The following RAP1A variants were observed in gnomAD, a reference collection of about 807,000 sequenced individuals.
RAP1A encodes the protein RAP1A, member of RAS oncogene family, also known as ras-related protein Rap-1A.
RAP1A carries 6 observed loss-of-function variants against 26.4 expected under a neutral mutation model. The ratio of observed to expected loss-of-function variants is 0.23; its 90% CI spans 0.12 to 0.45. The LOEUF is 0.45. Among genes scored for constraint, RAP1A ranks in the 20% least tolerant of loss-of-function variants. RAP1A has a pLI of 0.99. For missense variants in RAP1A, 121 were observed against 217.2 expected, an observed-to-expected ratio of 0.56 and a Z score of 2.78; for synonymous variants, 73 against 79.4, an observed-to-expected ratio of 0.92 and a Z score of 0.43.
At chr1:111,594,743 G>A (rs1254080888) in intron 1 of RAP1A, among the ~76,000 whole-genome samples, 10 of 152,060 alleles carry the variant, frequency 6.6e-5, no homozygotes, top group Non-Finnish European at 1.5e-5. Context: ...GCCCACTGAT[G>A]AATAAATGAA....
At chr1:111,602,808 G>A (rs1445918709) in intron 1 of RAP1A, among the ~76,000 whole-genome samples, 2 of 151,714 alleles carry the variant, frequency 1.3e-5, no homozygotes, top group Admixed American at 1.3e-4. Context: ...ATCTACCCCA[G>A]TATCTACACG....
intron 1 of RAP1A, among the ~76,000 whole-genome samples, chr1:111,660,370 A>C (rs1660594063): frequency 6.6e-6 from 1 of 152,130 alleles, no homozygotes; most frequent in Non-Finnish European, 1.5e-5. Context: ...TCTGAAATAT[A>C]CCTAAGTGTA....
At chr1:111,639,566 C>CTTT (rs10646278) in intron 1 of RAP1A, among the ~76,000 whole-genome samples, 4 of 148,394 alleles carry the variant, frequency 2.7e-5, no homozygotes, top group African/African-American at 7.4e-5. Flanking sequence ...ACATTATGAA[C>CTTT]TTTTTTTTTT....
In RAP1A at chr1:111,712,640, G is replaced by A. The variant is rs1662419875; in HGVS notation, c.*239G>A. On this transcript the variant is annotated 3_prime_UTR_variant, in exon 8 of 8. Transcript: ENST00000369709. ...ATAGTATTTCTCCTTTGCAATAGCAGTTATAACAGATGTGAAAATATACTT... is the reference window on the plus strand; with the variant it reads ...ATAGTATTTCTCCTTTGCAATAGCAATTATAACAGATGTGAAAATATACTT... The A allele has an allele frequency of 6.6e-6, 1 of 152,490 alleles. No individual in the cohort carries two copies. The highest frequency in any genetic ancestry group is 1.5e-5 in the Non-Finnish European group (1 of 67,932). 9.4% of individuals were successfully genotyped at this position (152,490 alleles called of 1,614,324 possible).
chr1:111,590,702 T>C (rs1384119331), intron 1 of RAP1A, among the ~76,000 whole-genome samples: 2 of 152,096 alleles, frequency 1.3e-5, no homozygotes, highest in Non-Finnish European at 2.9e-5. Context: ...ATTACAGGTG[T>C]GAGCCACTGC....
At chr1:111,655,729 G>A (rs1029931588) in intron 1 of RAP1A, among the ~76,000 whole-genome samples, 4 of 140,688 alleles carry the variant, frequency 2.8e-5, no homozygotes, top group East Asian at 2.1e-4. Context: ...GTGCAGTGGC[G>A]CAATCTCACT....
At chr1:111,667,003 C>T (rs757506462) in intron 1 of RAP1A, among the ~76,000 whole-genome samples, 2 of 152,154 alleles carry the variant, frequency 1.3e-5, no homozygotes, top group Non-Finnish European at 2.9e-5. Context: ...GGAGTTTAAT[C>T]TTTACCCTAT....
At chr1:111,551,268 C>A (rs376669320) in intron 1 of RAP1A, among the ~76,000 whole-genome samples, 16 of 152,132 alleles carry the variant, frequency 1.1e-4, no homozygotes, top group African/African-American at 3.9e-4. Context: ...CTTACGTGTG[C>A]CATTTTGCTA....
intron 1 of RAP1A, among the ~76,000 whole-genome samples, chr1:111,651,045 G>A (rs573104189): frequency 5.3e-5 from 8 of 151,870 alleles, no homozygotes; most frequent in South Asian, 2.1e-4. Context: ...CTCGTGATCC[G>A]CCCGCCTCGG....
In RAP1A at chr1:111,713,393, CTG is replaced by C. The variant is rs1210417716; in HGVS notation, c.*994_*995del. On this transcript the variant is annotated 3_prime_UTR_variant, in exon 8 of 8. Transcript: ENST00000369709. ...AGATTGTATCTTATTGAATATCCCA[CTG>C]TATATTATTTTTATATGTAAAAAGA... The C allele has an allele frequency of 6.6e-6, 1 of 152,112 alleles. No individual in the cohort carries two copies. The highest frequency in any genetic ancestry group is 2.4e-5 in the African/African-American group (1 of 41,432). The allele number at this position is 152,112 out of a possible 1,614,324, so 9.4% of individuals were successfully genotyped here. A position where few individuals can be genotyped will look rare whatever the true frequency, so the allele number is the denominator to read the frequency against.
At chr1:111,630,164 A>G (rs1221222753) in intron 1 of RAP1A, among the ~76,000 whole-genome samples, 1 of 152,236 alleles carries the variant, frequency 6.6e-6, no homozygotes, top group African/African-American at 2.4e-5. Context: ...AATGTCTGAA[A>G]TGTGAATAGA....
intron 1 of RAP1A, among the ~76,000 whole-genome samples, chr1:111,628,653 C>T (rs1487712774): frequency 6.6e-6 from 1 of 152,062 alleles, no homozygotes; most frequent in Non-Finnish European, 1.5e-5. Flanking sequence ...TTAATAGTAA[C>T]ACAGGTAAGG....
At chr1:111,591,664 T>C (rs924953592) in intron 1 of RAP1A, among the ~76,000 whole-genome samples, 1 of 152,222 alleles carries the variant, frequency 6.6e-6, no homozygotes, top group Non-Finnish European at 1.5e-5. Flanking sequence ...TCAGATAACA[T>C]GATCTATATG....
chr1:111,659,268 T>TA (rs1270696989), intron 1 of RAP1A, among the ~76,000 whole-genome samples: 1 of 152,162 alleles, frequency 6.6e-6, no homozygotes, highest in Admixed American at 6.5e-5. Context: ...TTAGTCACAG[T>TA]AAGAGACTGA....
At chr1:111,646,764 C>T (rs1381123868) in intron 1 of RAP1A, among the ~76,000 whole-genome samples, 3 of 152,210 alleles carry the variant, frequency 2.0e-5, no homozygotes, top group South Asian at 2.1e-4. Flanking sequence ...TTGTCTCGAT[C>T]TCCTGACCTT....
chr1:111,620,151 C>A (rs1279861149), intron 1 of RAP1A, among the ~76,000 whole-genome samples: 1 of 152,184 alleles, frequency 6.6e-6, no homozygotes, highest in Admixed American at 6.5e-5. Context: ...CAGAGCCAAC[C>A]ACGCCCGCGG....
chr1:111,617,400 CTCTT>C (rs1486857017), upstream of RAP1A, among the ~76,000 whole-genome samples: 1 of 152,212 alleles, frequency 6.6e-6, no homozygotes, highest in East Asian at 1.9e-4. Context: ...TTTGAGGACA[CTCTT>C]TCTCCAGTTG....
chr1:111,664,872 G>T, intron 1 of RAP1A, among the ~76,000 whole-genome samples: 1 of 152,164 alleles, frequency 6.6e-6, no homozygotes, highest in East Asian at 1.9e-4. Flanking sequence ...CTGGCACATG[G>T]TAAGCACTCA....
chr1:111,622,262 C>G (rs921953372), intron 1 of RAP1A, among the ~76,000 whole-genome samples: 3 of 152,184 alleles, frequency 2.0e-5, no homozygotes, highest in Non-Finnish European at 4.4e-5. Flanking sequence ...CAGTGTTTTC[C>G]CATCTCATTC....
Sources: gnomAD v4.1 joint callset for allele counts (sites outside exome capture counted in the v4.1 genomes callset) on GRCh38, gnomAD v4.1.1 for gene constraint, MANE v1.5 for transcripts, NCBI Gene and HGNC (gene_info 2026-07-23, HGNC 2026-07-21) for gene names.